Variants in SRD5A2 observed in about 807,000 individuals in gnomAD.
The protein encoded by SRD5A2 is steroid 5 alpha-reductase 2.
A neutral mutation model predicts 27.4 loss-of-function variants in SRD5A2; 30 were observed. The ratio of observed to expected loss-of-function variants is 1.10; its 90% CI spans 0.82 to 1.49. SRD5A2 has a LOEUF of 1.49. Ranked by LOEUF, SRD5A2 falls within the 40% of genes most tolerant of loss-of-function variation. The pLI is 0.00. For missense variants in SRD5A2, 348 were observed against 323.4 expected (o/e 1.08, Z -0.58); for synonymous variants, 141 against 133.6 (o/e 1.06, Z -0.38).
upstream of SRD5A2, among the ~76,000 whole-genome samples, chr2:31,583,653 A>AAAAAAAAAAAAT (rs1667126104): frequency 3.6e-5 from 1 of 27,678 alleles, no homozygotes; most frequent in Non-Finnish European, 8.3e-5. Flanking sequence ...AAAAAAAACC[A>AAAAAAAAAAAAT]AAAAAAAAGC....
intron 1 of SRD5A2, among the ~76,000 whole-genome samples, chr2:31,562,430 T>G (rs1225602396): frequency 1.3e-5 from 2 of 152,120 alleles, no homozygotes; most frequent in Non-Finnish European, 2.9e-5. Flanking sequence ...AGTAATAAAT[T>G]ATTATTGACT....
At chr2:31,639,807 CTTA>C in the SRD5A2 span, among the ~76,000 whole-genome samples, 441 of 152,040 alleles carry the variant, frequency 2.9e-3, 1 homozygote, top group Non-Finnish European at 5.1e-3. Flanking sequence ...GAATTTGATT[CTTA>C]TATGTTTGGG....
chr2:31,660,903 T>C, the SRD5A2 span, among the ~76,000 whole-genome samples: 2 of 151,978 alleles, frequency 1.3e-5, no homozygotes, highest in African/African-American at 4.8e-5. Context: ...GACAGTTCAG[T>C]AGGCAGCCAC....
At chr2:31,633,271 T>G in the SRD5A2 span, among the ~76,000 whole-genome samples, 3 of 152,206 alleles carry the variant, frequency 2.0e-5, no homozygotes, top group Non-Finnish European at 4.4e-5. Flanking sequence ...TACTTTTGCC[T>G]GCAGCTAATC....
At chr2:31,634,485 G>A in the SRD5A2 span, among the ~76,000 whole-genome samples, 1 of 151,998 alleles carries the variant, frequency 6.6e-6, no homozygotes, top group South Asian at 2.1e-4. Flanking sequence ...AATATTAAAA[G>A]ACACTAAACC....
chr2:31,618,705 T>C, the SRD5A2 span, among the ~76,000 whole-genome samples: 1 of 152,260 alleles, frequency 6.6e-6, no homozygotes, highest in East Asian at 1.9e-4. Flanking sequence ...AGGGAAGATG[T>C]TGTTCAAAGG....
At chr2:31,553,818 A>G (rs945911025) in intron 1 of SRD5A2, among the ~76,000 whole-genome samples, 2 of 152,130 alleles carry the variant, frequency 1.3e-5, no homozygotes, top group Non-Finnish European at 2.9e-5. Context: ...CTGAACTAAA[A>G]TTGATTTCAA....
At chr2:31,608,048 A>T in the SRD5A2 span, among the ~76,000 whole-genome samples, 1 of 151,882 alleles carries the variant, frequency 6.6e-6, no homozygotes, top group African/African-American at 2.4e-5. Context: ...GGATTCCCAG[A>T]CTCCAAAATT....
At chr2:31,598,515 G>C in the SRD5A2 span, among the ~76,000 whole-genome samples, 16 of 151,608 alleles carry the variant, frequency 1.1e-4, no homozygotes, top group Non-Finnish European at 2.1e-4. Context: ...AAAAAGAAGG[G>C]GGAAAAATAA....
the SRD5A2 span, among the ~76,000 whole-genome samples, chr2:31,629,936 G>A: frequency 1.3e-5 from 2 of 151,734 alleles, no homozygotes; most frequent in African/African-American, 2.4e-5. Flanking sequence ...GTGATCTAAG[G>A]AAGCTCTACA....
chr2:31,580,082 C>A (rs761209545), intron 1 of SRD5A2, among the ~76,000 whole-genome samples: 2 of 152,180 alleles, frequency 1.3e-5, no homozygotes, highest in Non-Finnish European at 2.9e-5. Flanking sequence ...CCACCTTCCT[C>A]CTTAGACCTG....
intron 2 of SRD5A2, 146 bp downstream of exon 2, chr2:31,533,457 A>G: frequency 1.5e-6 from 1 of 668,640 alleles, no homozygotes; most frequent in Non-Finnish European, 2.5e-6. Flanking sequence ...TCTGGCTACC[A>G]TATAGAGAAA....
At chr2:31,580,988 G>C, upstream of SRD5A2, 1 of 1,402,530 alleles carries the variant, frequency 7.1e-7, no homozygotes, top group African/African-American at 1.4e-5. Context: ...GACGCCACCC[G>C]TGTCCGCCCC....
the SRD5A2 span, among the ~76,000 whole-genome samples, chr2:31,590,208 C>A: frequency 0.097 from 9,912 of 102,428 alleles, 470 homozygotes; most frequent in Middle Eastern, 0.2. Context: ...CAGCTGAAAA[C>A]AAAAGACATA....
chr2:31,628,452 G>A, the SRD5A2 span, among the ~76,000 whole-genome samples: 1 of 151,948 alleles, frequency 6.6e-6, no homozygotes, highest in African/African-American at 2.4e-5. Context: ...TATTAATTGG[G>A]GCATTTGGCC....
chr2:31,631,429 A>C, the SRD5A2 span, among the ~76,000 whole-genome samples: 1 of 152,304 alleles, frequency 6.6e-6, no homozygotes, highest in South Asian at 2.1e-4. Context: ...ACTAATGCTT[A>C]TTGGAAAATG....
the SRD5A2 span, among the ~76,000 whole-genome samples, chr2:31,614,059 G>A: frequency 2.0e-5 from 3 of 152,154 alleles, no homozygotes; most frequent in Non-Finnish European, 1.5e-5. Flanking sequence ...CAAATCTCAT[G>A]TCCTCAGGTT....
chr2:31,573,116 T>C (rs1357322768), intron 1 of SRD5A2, among the ~76,000 whole-genome samples: 1 of 152,188 alleles, frequency 6.6e-6, no homozygotes, highest in East Asian at 1.9e-4. Context: ...CAGGCCATTC[T>C]TCAAGGACCA....
At chr2:31,645,021 C>T in the SRD5A2 span, among the ~76,000 whole-genome samples, 15 of 152,272 alleles carry the variant, frequency 9.9e-5, no homozygotes, top group Non-Finnish European at 1.9e-4. Context: ...ATACAAGTGG[C>T]ATGCCTACTT....
Sources: gnomAD v4.1 joint callset for allele counts (sites outside exome capture counted in the v4.1 genomes callset) on GRCh38, gnomAD v4.1.1 for gene constraint, MANE v1.5 for transcripts, NCBI Gene and HGNC (gene_info 2026-07-23, HGNC 2026-07-21) for gene names.